ST3GAL2: variants seen among roughly 807,000 people sequenced by gnomAD.
ST3GAL2 encodes CMP-N-acetylneuraminate-beta-galactosamide-alpha-2,3-sialyltransferase 2.
Under a neutral mutation model 37.5 loss-of-function variants are expected in ST3GAL2, and 16 were observed. The observed-to-expected ratio is 0.43, with a 90% CI of 0.29 to 0.65. ST3GAL2 has a LOEUF of 0.65. Ranked by LOEUF, ST3GAL2 falls within the 30% of genes least tolerant of loss-of-function variation. The probability of loss-of-function intolerance (pLI) is 0.17; values close to 1 mark genes in which losing one functional copy is unlikely to be tolerated. For synonymous variants in ST3GAL2, 238 were observed against 202.9 expected (o/e 1.17, Z -1.47); for missense variants, 383 against 487.8 (o/e 0.79, Z 2.02).
Position 70,395,154 on chromosome 16 carries a change from A to G in ST3GAL2, c.361T>C (p.Ser121Pro). Reference sequence around the variant, plus strand: ...TCCAGCACCTCATTGGTGTTGTGTGACTTGAACTGGGGCTGCAGCATCTGT... The same window carrying G: ...TCCAGCACCTCATTGGTGTTGTGTGGCTTGAACTGGGGCTGCAGCATCTGT... The part of the protein sequence containing the change: ...WWMMLQPQFK[S>P]HNTNEVLEKL... The change falls in exon 3 of 7, where the codon TCA becomes CCA. Residue 121 changes from serine (S) to proline (P), a missense_variant. Ser to Pro is a moderately conservative substitution (Grantham distance 74, BLOSUM62 -1). Transcript: ENST00000342907. 6.2e-7 allele frequency: 1 copy of G among 1,606,018 alleles called. No individual in the cohort carries two copies. Among genetic ancestry groups the G allele is most frequent in the Non-Finnish European group, 8.5e-7 (1 of 1,175,702 alleles).
At chr16:70,417,541 C>A (rs1442044488) in intron 1 of ST3GAL2, among the ~76,000 whole-genome samples, 1 of 152,246 alleles carries the variant, frequency 6.6e-6, no homozygotes, top group Non-Finnish European at 1.5e-5. Context: ...TGGCTCTAAA[C>A]AGCTCCCTGA....
chr16:70,399,503 A>G lies in ST3GAL2; in HGVS notation c.-973T>C, dbSNP rs182603300. ...AATCCCCTGGCAGGTTCCCCTTCAC[A>G]TGTCGGGCGCCAGGCTGCCGCAGCA... On this transcript the variant is annotated 5_prime_UTR_variant, in exon 2 of 7. An upstream start codon of the reference 5' UTR is lost. Coordinates refer to ENST00000342907, the MANE Select transcript of ST3GAL2 (RefSeq NM_006927.4). The G allele has an allele frequency of 1.4e-4, 55 of 398,420 alleles. No homozygotes were observed. The East Asian group carries it at 1.6e-3, about 12-fold the overall frequency. The allele number at this position is 398,420 out of a possible 1,614,324, so 24.7% of individuals were successfully genotyped here.
intron 1 of ST3GAL2, chr16:70,400,171 T>C (rs1251021724): frequency 1.3e-5 from 2 of 152,304 alleles, no homozygotes; most frequent in Non-Finnish European, 2.9e-5. Flanking sequence ...CTGTACATTA[T>C]GGACAAAGTG....
At chr16:70,387,315 G>C (rs934682679) in intron 4 of ST3GAL2, among the ~76,000 whole-genome samples, 3 of 151,912 alleles carry the variant, frequency 2.0e-5, no homozygotes, top group African/African-American at 7.3e-5. Flanking sequence ...AACACGATGG[G>C]AGCCTGAGGC....
intron 1 of ST3GAL2, among the ~76,000 whole-genome samples, chr16:70,426,116 C>A (rs898722336): frequency 2.5e-4 from 37 of 150,786 alleles, no homozygotes; most frequent in Non-Finnish European, 5.3e-4. Context: ...CAATATAGAA[C>A]GTAACAGGAA....
chr16:70,436,428 G>A (rs1376536112), intron 1 of ST3GAL2, among the ~76,000 whole-genome samples: 6 of 145,042 alleles, frequency 4.1e-5, no homozygotes, highest in Non-Finnish European at 8.9e-5. Context: ...TCCAGCCTGG[G>A]CAACAGAGTG....
chr16:70,399,529 C>T lies in ST3GAL2; in HGVS notation c.-999G>A, dbSNP rs62049025. 13 of 398,146 alleles carry T rather than the reference C, an allele frequency of 3.3e-5. No homozygotes were observed. The highest frequency in any genetic ancestry group is 2.1e-4 in the African/African-American group (10 of 48,752). 24.7% of individuals were successfully genotyped at this position (398,146 alleles called of 1,614,324 possible). Reference sequence around the variant, plus strand: ...TGTCGGGCGCCAGGCTGCCGCAGCACGACCCTAGAATGGCAGAGAGGAGAA... The same window carrying T: ...TGTCGGGCGCCAGGCTGCCGCAGCATGACCCTAGAATGGCAGAGAGGAGAA... On this transcript the variant is annotated 5_prime_UTR_variant, in exon 2 of 7. It adds an upstream start codon to the 5' untranslated region. Coordinates refer to ENST00000342907, the MANE Select transcript of ST3GAL2 (RefSeq NM_006927.4).
chr16:70,412,989 C>T (rs1428167853), intron 1 of ST3GAL2, among the ~76,000 whole-genome samples: 1 of 152,196 alleles, frequency 6.6e-6, no homozygotes, highest in Non-Finnish European at 1.5e-5. Context: ...TGGCACACAC[C>T]TGTAATCCCA....
At chr16:70,402,460 G>A (rs2047562692) in intron 1 of ST3GAL2, among the ~76,000 whole-genome samples, 1 of 152,018 alleles carries the variant, frequency 6.6e-6, no homozygotes, top group Non-Finnish European at 1.5e-5. Flanking sequence ...TCCATGAAAA[G>A]CTAAAAAATA....
In ST3GAL2 at chr16:70,381,110, C is replaced by T. The variant is rs1489146162; in HGVS notation, c.*579G>A. The stretch of plus-strand genomic sequence containing the variant: ...CCGGCTTCCTGGAGACGCAGGAAGC[C>T]CTGGGGGCGCAGCCATCCCACAGCG... On this transcript the variant is annotated 3_prime_UTR_variant, in exon 7 of 7. Coordinates refer to ENST00000342907, the MANE Select transcript of ST3GAL2 (RefSeq NM_006927.4). 2 of 152,478 alleles carry T rather than the reference C, an allele frequency of 1.3e-5. No homozygotes were observed. Among genetic ancestry groups the T allele is most frequent in the African/African-American group, 2.4e-5 (1 of 41,424 alleles). The allele number at this position is 152,478 out of a possible 1,614,324, so 9.4% of individuals were successfully genotyped here.
chr16:70,382,079 T>A (rs903119158), intron 6 of ST3GAL2, among the ~76,000 whole-genome samples: 3 of 139,326 alleles, frequency 2.2e-5, no homozygotes, highest in Non-Finnish European at 4.6e-5. Flanking sequence ...TTTAATGGAG[T>A]ACTTTGATCA....
At chr16:70,429,454 G>C (rs904388742) in intron 1 of ST3GAL2, among the ~76,000 whole-genome samples, 1 of 151,784 alleles carries the variant, frequency 6.6e-6, no homozygotes, top group Non-Finnish European at 1.5e-5. Context: ...TTAGCCGGGC[G>C]TAGTGGCAGA....
At chr16:70,407,883 C>T (rs1181173943) in intron 1 of ST3GAL2, among the ~76,000 whole-genome samples, 1 of 152,140 alleles carries the variant, frequency 6.6e-6, no homozygotes, top group Non-Finnish European at 1.5e-5. Flanking sequence ...CAGACCAGCA[C>T]AGCTGAATAC....
At chr16:70,391,694 G>T (rs977862330) in intron 3 of ST3GAL2, among the ~76,000 whole-genome samples, 4 of 152,224 alleles carry the variant, frequency 2.6e-5, no homozygotes, top group African/African-American at 7.2e-5. Context: ...GGGTAGGCAG[G>T]GGGTAGAGGA....
At chr16:70,401,997 A>C (rs991660092) in intron 1 of ST3GAL2, among the ~76,000 whole-genome samples, 3 of 147,966 alleles carry the variant, frequency 2.0e-5, no homozygotes, top group Non-Finnish European at 4.5e-5. Context: ...TCTGCCTCAA[A>C]AAAAAAAAAA....
chr16:70,385,326 A>AAAC (rs1567665335), intron 4 of ST3GAL2, among the ~76,000 whole-genome samples: 10 of 151,960 alleles, frequency 6.6e-5, no homozygotes, highest in Non-Finnish European at 1.3e-4. Flanking sequence ...AACAAACAAA[A>AAAC]AAGAATAGTT....
At chr16:70,385,042 C>A (rs1056857244) in intron 4 of ST3GAL2, among the ~76,000 whole-genome samples, 3 of 150,742 alleles carry the variant, frequency 2.0e-5, no homozygotes, top group Admixed American at 6.6e-5. Flanking sequence ...GCGGTGGCTC[C>A]TGCCTGTAAT....
In ST3GAL2 at chr16:70,380,755, G is replaced by A. The variant is rs748610942; in HGVS notation, c.*934C>T. 3.2e-4 allele frequency: 49 copies of A among 152,994 alleles called. No individual in the cohort carries two copies. Among genetic ancestry groups the A allele is most frequent in the Non-Finnish European group, 6.6e-4 (45 of 68,548 alleles). 9.5% of individuals were successfully genotyped at this position (152,994 alleles called of 1,614,324 possible). On this transcript the variant is annotated 3_prime_UTR_variant, in exon 7 of 7. Transcript: ENST00000342907. ...CAGGCAAGAGGCGATGGGTGGAGGAGGAGGTACATGCAGCGGGCAGCCGGG... is the reference window on the plus strand; with the variant it reads ...CAGGCAAGAGGCGATGGGTGGAGGAAGAGGTACATGCAGCGGGCAGCCGGG...
intron 3 of ST3GAL2, among the ~76,000 whole-genome samples, chr16:70,391,952 G>C (rs796115310): frequency 2.6e-5 from 4 of 152,338 alleles, no homozygotes; most frequent in African/African-American, 9.6e-5. Context: ...TCTCACCAGA[G>C]ATGGTGAGGC....
Sources: gnomAD v4.1 joint callset for allele counts (sites outside exome capture counted in the v4.1 genomes callset) on GRCh38, gnomAD v4.1.1 for gene constraint, MANE v1.5 for transcripts, NCBI Gene and HGNC (gene_info 2026-07-23, HGNC 2026-07-21) for gene names.